The following RUNX1 variants were observed in gnomAD, a reference collection of about 807,000 sequenced individuals.
RUNX1 encodes the protein runt-related transcription factor 1.
RUNX1 carries 19 observed loss-of-function variants against 42.8 expected under a neutral mutation model. The ratio of observed to expected loss-of-function variants is 0.44; its 90% confidence interval spans 0.31 to 0.65. The LOEUF is 0.65. RUNX1 is among the 30% of genes least tolerant of loss of function. RUNX1 has a pLI of 0.07. For synonymous variants in RUNX1, 271 were observed against 289.4 expected (o/e 0.94, Z 0.64); for missense variants, 528 against 672.0 (o/e 0.79, Z 2.37).
intron 2 of RUNX1, among the ~76,000 whole-genome samples, chr21:34,957,882 T>A (rs2146692732): frequency 6.6e-6 from 1 of 152,280 alleles, no homozygotes; most frequent in South Asian, 2.1e-4. Flanking sequence ...TGGCTTCATC[T>A]GAGGGGTATG....
Position 35,019,473 on chromosome 21 carries a change from C to T in RUNX1, c.58+29369G>A, listed in dbSNP as rs563604657. ...GCTTTCTTTTATGTCTGTAAGAGGC[C>T]TGGCATAATACTGCCAGTGCACTGA... On this transcript the variant is annotated intron_variant, in intron 2 of 8. Transcript: ENST00000675419. 3.9e-5 allele frequency among the ~76,000 whole-genome samples: 6 copies of T among 152,288 alleles called. No homozygotes were observed. The South Asian group carries it at 8.3e-4, about 21-fold the overall frequency.
intron 2 of RUNX1, among the ~76,000 whole-genome samples, chr21:34,896,394 A>T (rs2058130148): frequency 6.6e-6 from 1 of 152,152 alleles, no homozygotes; most frequent in African/African-American, 2.4e-5. Flanking sequence ...AGAGTAAAGG[A>T]AAATGCAGCC....
intron 2 of RUNX1, among the ~76,000 whole-genome samples, chr21:35,001,537 CATA>C (rs2059044336): frequency 6.6e-6 from 1 of 152,126 alleles, no homozygotes; most frequent in African/African-American, 2.4e-5. Flanking sequence ...CCACAACTAA[CATA>C]ATACCGAATG....
chr21:35,006,155 C>T (rs2059082744), intron 2 of RUNX1, among the ~76,000 whole-genome samples: 2 of 152,168 alleles, frequency 1.3e-5, no homozygotes, highest in African/African-American at 2.4e-5. Context: ...TAAAGCGTTG[C>T]ATCCAGGTGC....
intron 2 of RUNX1, among the ~76,000 whole-genome samples, chr21:34,980,761 T>C (rs1413056475): frequency 6.6e-6 from 1 of 152,174 alleles, no homozygotes; most frequent in Non-Finnish European, 1.5e-5. Context: ...TTCCAAAGAT[T>C]TGAATGGAAT....
chr21:35,009,167 T>C (rs1182568814), intron 2 of RUNX1, among the ~76,000 whole-genome samples: 1 of 152,250 alleles, frequency 6.6e-6, no homozygotes, highest in Non-Finnish European at 1.5e-5. Flanking sequence ...TTCCATGATG[T>C]ATCCTATTCT....
At chr21:34,869,205 C>T (rs2057703822) in intron 5 of RUNX1, among the ~76,000 whole-genome samples, 1 of 152,132 alleles carries the variant, frequency 6.6e-6, no homozygotes. Flanking sequence ...GGGATTCTCG[C>T]TGTAGAAGGA....
intron 2 of RUNX1, among the ~76,000 whole-genome samples, chr21:34,983,411 T>A (rs1174744404): frequency 6.6e-6 from 1 of 152,248 alleles, no homozygotes; most frequent in African/African-American, 2.4e-5. Flanking sequence ...ATAAATTTAT[T>A]ACTCTACTAC....
intron 7 of RUNX1, among the ~76,000 whole-genome samples, chr21:34,824,092 T>C (rs1397804951): frequency 6.6e-6 from 1 of 152,222 alleles, no homozygotes; most frequent in Non-Finnish European, 1.5e-5. Flanking sequence ...GCCCAATCTT[T>C]CCTATCCATG....
chr21:34,873,641 T>A (rs749089953), intron 5 of RUNX1, among the ~76,000 whole-genome samples: 8 of 152,230 alleles, frequency 5.3e-5, no homozygotes, highest in African/African-American at 7.2e-5. Context: ...GGACCTCAAC[T>A]GCCTGACACC....
chr21:35,040,211 G>C (rs909290515), intron 2 of RUNX1, among the ~76,000 whole-genome samples: 3 of 152,194 alleles, frequency 2.0e-5, no homozygotes, highest in Admixed American at 2.0e-4. Context: ...GGAATGAGGG[G>C]CTCAGTGCAC....
intron 2 of RUNX1, among the ~76,000 whole-genome samples, chr21:34,936,906 G>C (rs2058490091): frequency 2.0e-5 from 3 of 152,068 alleles, no homozygotes; most frequent in Admixed American, 6.6e-5. Flanking sequence ...GGTTTAGTGG[G>C]AAAAGGGGTT....
chr21:34,812,881 G>C (rs2056775796), intron 7 of RUNX1, among the ~76,000 whole-genome samples: 1 of 152,154 alleles, frequency 6.6e-6, no homozygotes, highest in South Asian at 2.1e-4. Flanking sequence ...GGTTGAGATA[G>C]CAGACAACTA....
At chr21:34,839,900 C>T (rs1311625298) in intron 6 of RUNX1, among the ~76,000 whole-genome samples, 1 of 152,188 alleles carries the variant, frequency 6.6e-6, no homozygotes, top group Admixed American at 6.5e-5. Flanking sequence ...CTAAATATGC[C>T]TGAACTGTGT....
intron 2 of RUNX1, among the ~76,000 whole-genome samples, chr21:34,905,078 T>C (rs1170014242): frequency 6.6e-6 from 1 of 152,180 alleles, no homozygotes; most frequent in Non-Finnish European, 1.5e-5. Context: ...CAGGTCCTGA[T>C]TGAGCTGAAT....
intron 2 of RUNX1, among the ~76,000 whole-genome samples, chr21:34,948,749 T>TC (rs1303043492): frequency 6.6e-6 from 1 of 151,940 alleles, no homozygotes; most frequent in African/African-American, 2.4e-5. Flanking sequence ...TTTCTTTTTT[T>TC]TCCTTTTTCT....
chr21:35,010,194 TG>T (rs1165006873), intron 2 of RUNX1, among the ~76,000 whole-genome samples: 1 of 146,812 alleles, frequency 6.8e-6, no homozygotes, highest in Non-Finnish European at 1.5e-5. Flanking sequence ...GGTTTCAAGG[TG>T]TTTTTTTTTC....
Position 34,859,476 on chromosome 21 carries a change from C to T in RUNX1, c.611G>A (p.Arg204Gln), listed in dbSNP as rs1569061762. 1.2e-6 allele frequency: 2 copies of T among 1,610,278 alleles called. No homozygotes were observed. Among genetic ancestry groups the T allele is most frequent in the Admixed American group, 1.7e-5 (1 of 59,998 alleles). ...KITVDGPREP[R>Q]RHRQKLDDQT... ...CAGCCCCAAGTGGATGCACTTACTTCGAGGTTCTCGGGGCCCATCCACTGT... is the reference window on the plus strand; with the variant it reads ...CAGCCCCAAGTGGATGCACTTACTTTGAGGTTCTCGGGGCCCATCCACTGT... Residue 204 changes from arginine to glutamine, a missense_variant and splice_region_variant, in exon 6 of 9, where the codon CGA becomes CAA. Physicochemically the swap from Arg to Gln is conservative, Grantham distance 43. This residue lies in a region of RUNX1 where 83 missense variants were observed against 174.5 expected (regional missense o/e 0.48). Transcript: ENST00000675419.
chr21:34,979,607 C>T lies in RUNX1; in HGVS notation c.58+69235G>A, dbSNP rs568356893. ...GACTATATTAATTATTTTATGACAG[C>T]GTTTCTTTCCTTCTGAATGGTTGTT... On this transcript the variant is annotated intron_variant, in intron 2 of 8. Transcript: ENST00000675419. Among the ~76,000 whole-genome samples, 73 of 152,250 alleles carry T rather than the reference C, an allele frequency of 4.8e-4. No individual in the cohort carries two copies. In the South Asian group the frequency reaches 5.8e-3, roughly 12 times the overall value.
Sources: allele counts gnomAD v4.1 joint callset (sites outside exome capture counted in the v4.1 genomes callset), GRCh38; gene constraint gnomAD v4.1.1; regional missense constraint gnomAD v4.1.1; transcripts MANE v1.5; gene names NCBI Gene and HGNC (gene_info 2026-07-23, HGNC 2026-07-21).